The following CHSY3 variants were observed in gnomAD, a reference collection of about 807,000 sequenced individuals.
CHSY3 encodes chondroitin sulfate synthase 3.
A neutral mutation model predicts 67.2 loss-of-function variants in CHSY3; 35 were observed. That is an observed-to-expected ratio of 0.52 (90% CI 0.40 to 0.69). The LOEUF is 0.69. Among genes scored for constraint, CHSY3 ranks in the 30% least tolerant of loss-of-function variants. CHSY3 has a pLI of 0.00. For synonymous variants in CHSY3, 474 were observed against 434.7 expected, an observed-to-expected ratio of 1.09 and a Z score of -1.12; for missense variants, 1,069 against 1,138.5, an observed-to-expected ratio of 0.94 and a Z score of 0.88.
At chr5:129,981,643 T>C (rs1416733801) in intron 2 of CHSY3, among the ~76,000 whole-genome samples, 1 of 152,092 alleles carries the variant, frequency 6.6e-6, no homozygotes, top group African/African-American at 2.4e-5. Context: ...CTCAGCCTCC[T>C]GAGTAGCTGG....
chr5:129,942,070 T>TC (rs1281419267), intron 2 of CHSY3, among the ~76,000 whole-genome samples: 1 of 152,042 alleles, frequency 6.6e-6, no homozygotes, highest in East Asian at 1.9e-4. Flanking sequence ...CATCATTCCT[T>TC]CCCCCAGGGT....
At chr5:129,956,027 A>G (rs959688375) in intron 2 of CHSY3, among the ~76,000 whole-genome samples, 1 of 152,158 alleles carries the variant, frequency 6.6e-6, no homozygotes, top group Non-Finnish European at 1.5e-5. Context: ...AGAACAATTT[A>G]TATTCCTTTG....
chr5:129,931,227 A>G (rs1761297752), intron 2 of CHSY3, among the ~76,000 whole-genome samples: 1 of 152,184 alleles, frequency 6.6e-6, no homozygotes, highest in Non-Finnish European at 1.5e-5. Flanking sequence ...TGCCATGGAC[A>G]GACTGACATC....
At chr5:130,099,753 G>A (rs1364646769) in intron 2 of CHSY3, among the ~76,000 whole-genome samples, 1 of 152,178 alleles carries the variant, frequency 6.6e-6, no homozygotes, top group African/African-American at 2.4e-5. Context: ...TTTTCATGGG[G>A]TCTACTTTGC....
intron 2 of CHSY3, among the ~76,000 whole-genome samples, chr5:129,919,277 C>T (rs928446456): frequency 4.6e-5 from 7 of 151,954 alleles, no homozygotes; most frequent in African/African-American, 1.2e-4. Context: ...AAGACAGTTA[C>T]ACATATCAGT....
chr5:129,955,978 C>T (rs1193404445), intron 2 of CHSY3, among the ~76,000 whole-genome samples: 1 of 151,928 alleles, frequency 6.6e-6, no homozygotes, highest in Non-Finnish European at 1.5e-5. Context: ...TCTTTGCTAT[C>T]ATAAGCAGTG....
intron 1 of CHSY3, among the ~76,000 whole-genome samples, chr5:129,906,793 T>G (rs922292432): frequency 6.6e-6 from 1 of 152,198 alleles, no homozygotes; most frequent in African/African-American, 2.4e-5. Flanking sequence ...ACTCGTAGCC[T>G]CATTGCTTCC....
chr5:130,112,021 A>G (rs1767605880), intron 2 of CHSY3, among the ~76,000 whole-genome samples: 1 of 152,106 alleles, frequency 6.6e-6, no homozygotes, highest in East Asian at 1.9e-4. Context: ...AAAGTTATAC[A>G]GTTGATAAGG....
At chr5:130,107,040 C>T (rs1767431866) in intron 2 of CHSY3, among the ~76,000 whole-genome samples, 1 of 151,292 alleles carries the variant, frequency 6.6e-6, no homozygotes, top group Admixed American at 6.6e-5. Context: ...GATTTACTCT[C>T]AATTTATTGA....
chr5:130,135,756 A>G (rs1296667179), intron 2 of CHSY3, among the ~76,000 whole-genome samples: 1 of 152,154 alleles, frequency 6.6e-6, no homozygotes, highest in African/African-American at 2.4e-5. Context: ...CTCAGTGGGG[A>G]CCATGTCTTG....
intron 2 of CHSY3, among the ~76,000 whole-genome samples, chr5:129,911,285 A>G (rs960740437): frequency 6.6e-6 from 1 of 152,168 alleles, no homozygotes; most frequent in African/African-American, 2.4e-5. Flanking sequence ...GTGTTTGTAT[A>G]TACTATTAAA....
At chr5:129,928,680 T>G (rs1445719381) in intron 2 of CHSY3, among the ~76,000 whole-genome samples, 1 of 152,152 alleles carries the variant, frequency 6.6e-6, no homozygotes. Flanking sequence ...ATATCTGGTA[T>G]TTTATTATGC....
chr5:130,078,342 T>C (rs1766338156), intron 2 of CHSY3, among the ~76,000 whole-genome samples: 1 of 152,078 alleles, frequency 6.6e-6, no homozygotes, highest in Non-Finnish European at 1.5e-5. Context: ...TCCATGGGTG[T>C]GTGTATTGTT....
intron 2 of CHSY3, among the ~76,000 whole-genome samples, chr5:130,031,438 C>G (rs1764701357): frequency 1.3e-5 from 2 of 151,966 alleles, no homozygotes; most frequent in Admixed American, 1.3e-4. Flanking sequence ...CTAGAACATC[C>G]CCCAGATTAA....
At chr5:130,149,325 A>T (rs1181109992) in intron 2 of CHSY3, among the ~76,000 whole-genome samples, 1 of 152,206 alleles carries the variant, frequency 6.6e-6, no homozygotes, top group Non-Finnish European at 1.5e-5. Flanking sequence ...TGCAGGCTTC[A>T]CAGGAAGCAT....
chr5:130,116,011 G>T (rs1465504310), intron 2 of CHSY3, among the ~76,000 whole-genome samples: 1 of 152,082 alleles, frequency 6.6e-6, no homozygotes, highest in East Asian at 1.9e-4. Flanking sequence ...CTCCTTTCTT[G>T]TCATTTTCAT....
chr5:130,143,810 GTATATATATATA>G (rs61284287), intron 2 of CHSY3, among the ~76,000 whole-genome samples: 54 of 56,486 alleles, frequency 9.6e-4, no homozygotes, highest in Admixed American at 3.0e-3. Flanking sequence ...ATATATGTGT[GTATATATATATA>G]TATATATATA....
intron 2 of CHSY3, among the ~76,000 whole-genome samples, chr5:130,168,631 T>C (rs974557938): frequency 1.3e-5 from 2 of 152,118 alleles, no homozygotes; most frequent in Non-Finnish European, 2.9e-5. Context: ...ACAAAGTTCT[T>C]CCAGTAAATA....
chr5:130,012,619 A>G (rs1427721465), intron 2 of CHSY3, among the ~76,000 whole-genome samples: 1 of 152,158 alleles, frequency 6.6e-6, no homozygotes, highest in African/African-American at 2.4e-5. Context: ...GATGCTTATA[A>G]TCCATCCAAT....
Sources: allele counts gnomAD v4.1 joint callset (sites outside exome capture counted in the v4.1 genomes callset), GRCh38; gene constraint gnomAD v4.1.1; transcripts MANE v1.5; gene names NCBI Gene and HGNC (gene_info 2026-07-23, HGNC 2026-07-21).